The following DNAAF4 variants were observed in gnomAD, a reference collection of about 807,000 sequenced individuals.
DNAAF4 encodes dynein assembly factor 4, axonemal.
In DNAAF4, 43 loss-of-function variants were observed where a neutral mutation model predicts 51.8. The observed-to-expected ratio is 0.83, with a 90% CI of 0.65 to 1.07. DNAAF4 has a LOEUF of 1.07. Ranked by LOEUF, DNAAF4 falls within the 50% of genes least tolerant of loss-of-function variation. The pLI, the probability that DNAAF4 is intolerant of heterozygous loss-of-function variation, is 0.00. For missense variants in DNAAF4, 581 were observed against 493.0 expected (o/e 1.18, Z -1.69); for synonymous variants, 194 against 165.6 (o/e 1.17, Z -1.32).
intron 5 of DNAAF4, among the ~76,000 whole-genome samples, chr15:55,464,652 T>C (rs2058141880): frequency 6.6e-6 from 1 of 152,130 alleles, no homozygotes; most frequent in African/African-American, 2.4e-5. Context: ...AGGACATGAA[T>C]AGACAATTCT....
At chr15:55,468,996 T>G (rs1039246438) in intron 4 of DNAAF4, among the ~76,000 whole-genome samples, 2 of 151,944 alleles carry the variant, frequency 1.3e-5, no homozygotes, top group African/African-American at 2.4e-5. Flanking sequence ...ACACAAAGCT[T>G]ATGATAAAGA....
At chr15:55,469,909 C>T (rs1004960317) in intron 4 of DNAAF4, among the ~76,000 whole-genome samples, 2 of 152,148 alleles carry the variant, frequency 1.3e-5, no homozygotes, top group African/African-American at 4.8e-5. Flanking sequence ...ACAGTCTCCA[C>T]ACAGATGCCA....
At chr15:55,432,898 C>T (rs890861133) in intron 8 of DNAAF4, among the ~76,000 whole-genome samples, 2 of 151,880 alleles carry the variant, frequency 1.3e-5, no homozygotes, top group Admixed American at 6.6e-5. Flanking sequence ...TGCAGAGAGC[C>T]GAGATCGCGC....
chr15:55,419,362 T>C (rs1267675255), intron 7 of DNAAF4, among the ~76,000 whole-genome samples: 1 of 152,124 alleles, frequency 6.6e-6, no homozygotes, highest in Non-Finnish European at 1.5e-5. Flanking sequence ...TAGCTGGGAC[T>C]ACAGGCACCA....
downstream of DNAAF4, among the ~76,000 whole-genome samples, chr15:55,427,431 T>C (rs763897239): frequency 8.9e-4 from 136 of 152,120 alleles, no homozygotes; most frequent in Admixed American, 2.3e-3. Context: ...GAGTGGCTCA[T>C]TGGTTAGAGA....
chr15:55,430,113 T>G (rs1261246413), downstream of DNAAF4, among the ~76,000 whole-genome samples: 1 of 152,154 alleles, frequency 6.6e-6, no homozygotes, highest in Non-Finnish European at 1.5e-5. Context: ...ATAAATGAAG[T>G]TGAATATAAG....
At chr15:55,478,811 A>G (rs2058369977) in intron 4 of DNAAF4, among the ~76,000 whole-genome samples, 1 of 152,124 alleles carries the variant, frequency 6.6e-6, no homozygotes, top group African/African-American at 2.4e-5. Context: ...AAAACCCATT[A>G]GGGGCCCAAT....
chr15:55,442,843 G>C (rs1359050548), intron 6 of DNAAF4: 2 of 1,612,778 alleles, frequency 1.2e-6, no homozygotes, highest in Non-Finnish European at 1.7e-6. Flanking sequence ...GATTCCCCCA[G>C]CCATCATTGC....
intron 1 of DNAAF4, among the ~76,000 whole-genome samples, chr15:55,502,015 C>T (rs1216777436): frequency 6.6e-6 from 1 of 151,646 alleles, no homozygotes. Flanking sequence ...TGCACTCCAG[C>T]CTAGGCAACA....
chr15:55,430,060 A>C (rs1382528300), downstream of DNAAF4, among the ~76,000 whole-genome samples: 2 of 152,182 alleles, frequency 1.3e-5, no homozygotes, highest in East Asian at 1.9e-4. Flanking sequence ...TATCTTCACC[A>C]GATAGTGTTA....
intron 1 of DNAAF4, among the ~76,000 whole-genome samples, chr15:55,500,699 A>C (rs1305610168): frequency 6.6e-6 from 1 of 152,068 alleles, no homozygotes; most frequent in Non-Finnish European, 1.5e-5. Context: ...TACCTTAAAA[A>C]CTTGTCAAGT....
downstream of DNAAF4, among the ~76,000 whole-genome samples, chr15:55,425,711 A>C (rs144518335): frequency 7.2e-4 from 109 of 152,356 alleles, 1 homozygote; most frequent in East Asian, 0.019. Flanking sequence ...GACCTCTGTC[A>C]GCAAAGAGCT....
intron 1 of DNAAF4, among the ~76,000 whole-genome samples, chr15:55,505,982 C>T (rs2058725391): frequency 6.6e-6 from 1 of 152,158 alleles, no homozygotes; most frequent in African/African-American, 2.4e-5. Flanking sequence ...ATGGGTGACA[C>T]AAAGACCTTG....
intron 3 of DNAAF4, among the ~76,000 whole-genome samples, chr15:55,493,448 A>G (rs2058600317): frequency 6.6e-6 from 1 of 152,204 alleles, no homozygotes; most frequent in African/African-American, 2.4e-5. Flanking sequence ...CCTGCTGTTT[A>G]AAAACAGGAA....
At chr15:55,480,351 C>T (rs1182529079) in intron 4 of DNAAF4, among the ~76,000 whole-genome samples, 1 of 152,142 alleles carries the variant, frequency 6.6e-6, no homozygotes. Flanking sequence ...ACCCAAGGCC[C>T]CCTCCAGCCT....
chr15:55,450,204 T>C lies in DNAAF4; in HGVS notation c.783+18A>G. 1.3e-6 allele frequency: 2 copies of C among 1,571,946 alleles called. No homozygotes were observed. Among genetic ancestry groups the C allele is most frequent in the Non-Finnish European group, 1.7e-6 (2 of 1,163,274 alleles). On this transcript the variant is annotated intron_variant, in intron 6 of 9. Transcript: ENST00000321149. ...TATTTTCATTTGTGGTAATTGTAAC[T>C]AGAGTAAGTATATATACCTCCTCCT...
chr15:55,445,986 A>C (rs1291433669), intron 6 of DNAAF4, among the ~76,000 whole-genome samples: 714 of 35,798 alleles, frequency 0.02, no homozygotes, highest in Middle Eastern at 0.056. Flanking sequence ...CGCTCCTCAC[A>C]TCCCAGACGG....
chr15:55,479,146 C>A (rs906693883), intron 4 of DNAAF4, among the ~76,000 whole-genome samples: 1 of 150,556 alleles, frequency 6.6e-6, no homozygotes, highest in Non-Finnish European at 1.5e-5. Context: ...TTTTAGTCCC[C>A]CAGTACAAAA....
intron 7 of DNAAF4, among the ~76,000 whole-genome samples, chr15:55,420,255 TA>T (rs1294572997): frequency 2.6e-5 from 4 of 152,168 alleles, no homozygotes; most frequent in Non-Finnish European, 4.4e-5. Flanking sequence ...TATATTTTTA[TA>T]AATGCAATTA....
Sources: allele counts gnomAD v4.1 joint callset (sites outside exome capture counted in the v4.1 genomes callset), GRCh38; gene constraint gnomAD v4.1.1; transcripts MANE v1.5; gene names NCBI Gene and HGNC (gene_info 2026-07-23, HGNC 2026-07-21).